Variants in NSMCE2 observed in about 807,000 individuals in gnomAD.
The protein encoded by NSMCE2 is NSE2 SUMO ligase component of SMC5/6 complex, also known as E3 SUMO-protein ligase NSE2.
NSMCE2 carries 24 observed loss-of-function variants against 23.8 expected under a neutral mutation model. The ratio of observed to expected loss-of-function variants is 1.01; its 90% CI spans 0.73 to 1.42. The LOEUF (loss-of-function observed/expected upper bound fraction) is 1.42. Ranked by LOEUF, NSMCE2 falls within the 40% of genes most tolerant of loss-of-function variation. The pLI, the probability that NSMCE2 is intolerant of heterozygous loss-of-function variation, is 0.00. For missense variants in NSMCE2, 284 were observed against 296.5 expected (o/e 0.96, Z 0.31); for synonymous variants, 92 against 94.1 (o/e 0.98, Z 0.13).
At chr8:125,188,615 G>A (rs1052716608) in intron 5 of NSMCE2, among the ~76,000 whole-genome samples, 3 of 152,138 alleles carry the variant, frequency 2.0e-5, no homozygotes, top group Non-Finnish European at 4.4e-5. Context: ...TGTAACCTTT[G>A]CCTTTACTTT....
intron 5 of NSMCE2, among the ~76,000 whole-genome samples, chr8:125,283,066 G>A (rs1030872712): frequency 5.7e-4 from 86 of 152,082 alleles, no homozygotes; most frequent in Admixed American, 1.0e-3. Context: ...CCTCTCTGTG[G>A]TTTCATTTTT....
At chr8:125,255,804 T>C (rs13266756) in intron 5 of NSMCE2, among the ~76,000 whole-genome samples, 10,413 of 152,238 alleles carry the variant, frequency 0.068, 485 homozygotes, top group Non-Finnish European at 0.1. Flanking sequence ...CAAATCCTTC[T>C]ATCAGCAGTG....
chr8:125,178,832 T>C (rs1822635049), intron 4 of NSMCE2, among the ~76,000 whole-genome samples: 1 of 152,080 alleles, frequency 6.6e-6, no homozygotes, highest in African/African-American at 2.4e-5. Context: ...ATCGTGCCAC[T>C]ACAGCCTGGG....
chr8:125,232,042 T>C (rs1159701420), intron 5 of NSMCE2, among the ~76,000 whole-genome samples: 1 of 152,226 alleles, frequency 6.6e-6, no homozygotes, highest in Non-Finnish European at 1.5e-5. Context: ...CAGTATCATC[T>C]TGAACATCAG....
chr8:125,273,381 A>G (rs1827311446), intron 5 of NSMCE2, among the ~76,000 whole-genome samples: 1 of 152,246 alleles, frequency 6.6e-6, no homozygotes, highest in African/African-American at 2.4e-5. Flanking sequence ...TGAAGTGATA[A>G]AAGTTATTAT....
At chr8:125,242,162 T>C (rs1825789027) in intron 5 of NSMCE2, among the ~76,000 whole-genome samples, 1 of 151,930 alleles carries the variant, frequency 6.6e-6, no homozygotes, top group Admixed American at 6.6e-5. Context: ...GAAGTAGATA[T>C]TACCCAGGAA....
chr8:125,217,855 T>G lies in NSMCE2; in HGVS notation c.418+35599T>G, dbSNP rs770589658. ...GCTGACCCAGCCTTTTCCACTATAC[T>G]TAGTGGCAGTGACCATCTAAATATG... On this transcript the variant is annotated intron_variant, in intron 5 of 7. Coordinates refer to ENST00000287437, the MANE Select transcript of NSMCE2 (RefSeq NM_173685.4). Among the ~76,000 whole-genome samples, 7 of 151,358 alleles carry G rather than the reference T, an allele frequency of 4.6e-5. No individual in the cohort carries two copies. The South Asian group carries it at 8.3e-4, about 18-fold the overall frequency.
Position 125,153,858 on chromosome 8 carries a change from T to C in NSMCE2, c.264+2581T>C, listed in dbSNP as rs558494762. On this transcript the variant is annotated intron_variant, in intron 4 of 7. Coordinates refer to ENST00000287437, the MANE Select transcript of NSMCE2 (RefSeq NM_173685.4). ...TTCCAAACAGAACCCCTTAGAGAGA[T>C]GGAACAAAATCTTCTAAAAAGCAAG... Among the ~76,000 whole-genome samples, 3 of 152,302 alleles carry C rather than the reference T, an allele frequency of 2.0e-5. No homozygotes were observed. The South Asian group carries it at 6.2e-4, about 32-fold the overall frequency.
intron 5 of NSMCE2, among the ~76,000 whole-genome samples, chr8:125,316,418 C>T (rs903518385): frequency 1.3e-5 from 2 of 152,232 alleles, no homozygotes; most frequent in African/African-American, 4.8e-5. Context: ...GGTACAAAGT[C>T]TATTCCAACT....
chr8:125,220,061 A>G (rs1339524942), intron 5 of NSMCE2, among the ~76,000 whole-genome samples: 2 of 152,202 alleles, frequency 1.3e-5, no homozygotes, highest in African/African-American at 2.4e-5. Context: ...AAACCCACCC[A>G]TGGGATTTCT....
At chr8:125,248,580 G>C (rs993068744) in intron 5 of NSMCE2, among the ~76,000 whole-genome samples, 1 of 152,096 alleles carries the variant, frequency 6.6e-6, no homozygotes, top group Admixed American at 6.5e-5. Context: ...CTGAACCAGG[G>C]AGGCGGAGGT....
At chr8:125,252,109 A>G (rs10091027) in intron 5 of NSMCE2, among the ~76,000 whole-genome samples, 56,750 of 152,092 alleles carry the variant, frequency 0.37, 14,245 homozygotes, top group African/African-American at 0.71. Flanking sequence ...CCAGGAGAGT[A>G]TAGTCAGCAA....
chr8:125,120,355 A>G (rs193107557), intron 3 of NSMCE2, among the ~76,000 whole-genome samples: 2 of 152,318 alleles, frequency 1.3e-5, no homozygotes, highest in Non-Finnish European at 2.9e-5. Context: ...ACGAGTTATT[A>G]TCTGTTGATT....
intron 5 of NSMCE2, among the ~76,000 whole-genome samples, chr8:125,332,652 G>C (rs1829922241): frequency 6.6e-6 from 1 of 152,156 alleles, no homozygotes; most frequent in Non-Finnish European, 1.5e-5. Context: ...TATATTACAA[G>C]TTTTCTTTTA....
intron 5 of NSMCE2, among the ~76,000 whole-genome samples, chr8:125,240,876 A>T (rs919819612): frequency 8.5e-5 from 13 of 152,204 alleles, no homozygotes; most frequent in African/African-American, 2.7e-4. Context: ...GAACAACTGC[A>T]TGGTATTCAT....
chr8:125,282,483 T>C (rs1827733114), intron 5 of NSMCE2, among the ~76,000 whole-genome samples: 2 of 152,240 alleles, frequency 1.3e-5, no homozygotes, highest in Admixed American at 1.3e-4. Context: ...AAACAAAACC[T>C]ATTTGCAGGC....
intron 5 of NSMCE2, among the ~76,000 whole-genome samples, chr8:125,346,561 T>C (rs1018351645): frequency 8.5e-5 from 13 of 152,224 alleles, no homozygotes; most frequent in African/African-American, 3.1e-4. Context: ...TTCCCTATTA[T>C]TTGGTTTTCC....
chr8:125,143,405 A>G (rs1382216701), intron 3 of NSMCE2, among the ~76,000 whole-genome samples: 2 of 152,254 alleles, frequency 1.3e-5, no homozygotes, highest in Admixed American at 6.5e-5. Context: ...AATTTAAAAT[A>G]CAATCAGGCA....
chr8:125,161,131 T>C (rs1238808782), intron 4 of NSMCE2, among the ~76,000 whole-genome samples: 1 of 152,220 alleles, frequency 6.6e-6, no homozygotes, highest in African/African-American at 2.4e-5. Flanking sequence ...GTGGAGCCAG[T>C]GCCCAGTGAA....
Sources: allele counts gnomAD v4.1 joint callset (sites outside exome capture counted in the v4.1 genomes callset), GRCh38; gene constraint gnomAD v4.1.1; transcripts MANE v1.5; gene names NCBI Gene and HGNC (gene_info 2026-07-23, HGNC 2026-07-21).